HR: variants seen among roughly 807,000 people sequenced by gnomAD.
The protein encoded by HR is HR lysine demethylase and nuclear receptor corepressor.
In HR, 83 loss-of-function variants were observed where a neutral mutation model predicts 128.6. The observed-to-expected ratio is 0.65, with a 90% confidence interval of 0.54 to 0.77. HR has a LOEUF of 0.77. Among genes scored for constraint, HR ranks in the 30% least tolerant of loss-of-function variants. The pLI is 0.00. For synonymous variants in HR, 681 were observed against 658.2 expected, an observed-to-expected ratio of 1.03 and a Z score of -0.53; for missense variants, 1,490 against 1,574.6, an observed-to-expected ratio of 0.95 and a Z score of 0.91.
rs1055038856 is a variant in HR at position 22,115,136 on chromosome 8, G to A, written c.*564C>T. On this transcript the variant is annotated 3_prime_UTR_variant, in exon 19 of 19. Transcript: ENST00000381418. Reference sequence around the variant, plus strand: ...CGGGCGGACCGGGAAGGGGCTGAGTGACATCGCCCATGCCGCTCCCTCCGC... The same window carrying A: ...CGGGCGGACCGGGAAGGGGCTGAGTAACATCGCCCATGCCGCTCCCTCCGC... The A allele has an allele frequency of 1.2e-5, 2 of 166,674 alleles. No homozygotes were observed. Among genetic ancestry groups the A allele is most frequent in the African/African-American group, 4.8e-5 (2 of 41,834 alleles). The allele number at this position is 166,674 out of a possible 1,614,324, so 10.3% of individuals were successfully genotyped here. A position where few individuals can be genotyped will look rare whatever the true frequency, so the allele number is the denominator to read the frequency against.
At chr8:22,129,720 C>A (rs1434609563) in intron 1 of HR, among the ~76,000 whole-genome samples, 2 of 152,172 alleles carry the variant, frequency 1.3e-5, no homozygotes, top group African/African-American at 4.8e-5. Flanking sequence ...AGCCTACAGC[C>A]CCAGCCAGGC....
chr8:22,129,864 C>T (rs985036425), intron 1 of HR, among the ~76,000 whole-genome samples: 3 of 152,216 alleles, frequency 2.0e-5, no homozygotes, highest in African/African-American at 4.8e-5. Flanking sequence ...TGCAGTTTCT[C>T]GGCTTCTCAA....
At chr8:22,118,873 C>T in intron 16 of HR, 77 bp downstream of exon 16, 3 of 1,264,520 alleles carry the variant, frequency 2.4e-6, no homozygotes, top group Non-Finnish European at 3.4e-6. Context: ...GCACATGGGA[C>T]CGCACACTGG....
In HR at chr8:22,121,425, A is replaced by T. The variant is rs1470841279; in HGVS notation, c.2203+188T>A. On this transcript the variant is annotated intron_variant, in intron 9 of 18. Coordinates refer to ENST00000381418, the MANE Select transcript of HR (RefSeq NM_005144.5). ...AGGCAGCTCCAGAGTCTCTAAAAAG[A>T]GGGGTTCAGAGGGGGGTCTGGCCAA... Among the ~76,000 whole-genome samples the T allele has an allele frequency of 2.0e-5, 3 of 147,074 alleles. 1 individual carries two copies. The highest frequency in any genetic ancestry group is 4.5e-5 in the Non-Finnish European group (3 of 66,952).
At chr8:22,125,554 C>T (rs747486594) in intron 4 of HR, 28 bp downstream of exon 4, 2 of 1,613,012 alleles carry the variant, frequency 1.2e-6, no homozygotes, top group South Asian at 1.1e-5. Flanking sequence ...CGAGGGGGCA[C>T]TGGAGGTGTC....
rs746242037 is a variant in HR, at chr8:22,127,324, G to T, written c.1118C>A (p.Pro373His). 1.4e-5 allele frequency: 23 copies of T among 1,613,380 alleles called. No individual in the cohort carries two copies. Among genetic ancestry groups the T allele is most frequent in the Non-Finnish European group, 1.9e-5 (22 of 1,180,026 alleles). ...NKASGPRACP[P>H]SHHTKLKKTW... is the part of the protein sequence containing the mutation. ...CTTCTTCAGCTTGGTGTGGTGGCTG[G>T]GGGGACAGGCCCTGGGGCCAGAGGC... Residue 373 changes from proline to histidine, a missense_variant, in exon 3 of 19, where the codon CCC becomes CAC. By Grantham distance (77) the Pro-to-His change is moderately conservative. Transcript: ENST00000381418.
chr8:22,121,110 C>A lies in HR; in HGVS notation c.2322G>T (p.Glu774Asp). The A allele has an allele frequency of 2.5e-6, 4 of 1,613,870 alleles. No individual in the cohort carries two copies. Among genetic ancestry groups the A allele is most frequent in the Non-Finnish European group, 3.4e-6 (4 of 1,180,040 alleles). ...STAVKLCLGH[E>D]RIHMAFAPVT... ...CGGGGGCGAAGGCCATGTGTATTCG[C>A]TCATGGCCCAAGCAGAGTTTGACCG... The change falls in exon 10 of 19, where the codon GAG becomes GAT. Residue 774 changes from glutamate to aspartate, a missense_variant. Glu to Asp is a conservative substitution (Grantham distance 45, BLOSUM62 2). This residue lies in a region of HR where 1,060 missense variants were observed against 1,060.9 expected (regional missense o/e 1.00). Coordinates refer to ENST00000381418, the MANE Select transcript of HR (RefSeq NM_005144.5).
rs764896476 is a variant in HR, at chr8:22,128,817, G to A, written c.354C>T (p.Arg118=). 8 of 1,613,184 alleles carry A rather than the reference G, an allele frequency of 5.0e-6. No individual in the cohort carries two copies. Among genetic ancestry groups the A allele is most frequent in the Non-Finnish European group, 6.8e-6 (8 of 1,179,920 alleles). ...TATGCTCAGGCATCAGGGGGCCACAGCGAGGTGGGCACGCTGGCCCGCAGA... is the reference window on the plus strand; with the variant it reads ...TATGCTCAGGCATCAGGGGGCCACAACGAGGTGGGCACGCTGGCCCGCAGA... The part of the protein sequence containing the change: ...LAFCGPACPP[R]CGPLMPEHSG... Residue 118 remains arginine, a synonymous_variant, in exon 2 of 19, where the codon CGC becomes CGT. Coordinates refer to ENST00000381418, the MANE Select transcript of HR (RefSeq NM_005144.5).
At chr8:22,119,616 C>CAAAAA in intron 14 of HR, 144 bp downstream of exon 14, 2 of 922,628 alleles carry the variant, frequency 2.2e-6, no homozygotes, top group Non-Finnish European at 3.0e-6. Flanking sequence ...TCAACAACAA[C>CAAAAA]AAAAAAAAAA....
chr8:22,116,913 C>T lies in HR; in HGVS notation c.3340G>A (p.Gly1114Arg), dbSNP rs886062805. The T allele has an allele frequency of 1.7e-5, 27 of 1,561,342 alleles. No individual in the cohort carries two copies. Among genetic ancestry groups the T allele is most frequent in the Non-Finnish European group, 2.2e-5 (26 of 1,158,614 alleles). Residue 1114 changes from glycine to arginine, a missense_variant, in exon 17 of 19, where the codon GGA becomes AGA. By Grantham distance (125) the Gly-to-Arg change is moderately radical (BLOSUM62 -2). Transcript: ENST00000381418. This position sits in a 1 kb window ranked among gnomAD's most constrained non-coding sequence, Gnocchi z 4.2. Reference sequence around the variant, plus strand: ...CCTGCAGGCACCAGCACGGCCTCTCCGGGGGCCTGGAGCAGGGTCCAGCAG... The same window carrying T: ...CCTGCAGGCACCAGCACGGCCTCTCTGGGGGCCTGGAGCAGGGTCCAGCAG... ...VSCWTLLQAP[G>R]EAVLVPAGAP...
chr8:22,118,874 C>T (rs75600662), intron 16 of HR, 76 bp downstream of exon 16: 31,528 of 1,278,010 alleles, frequency 0.025, 1,546 homozygotes, highest in African/African-American at 0.19. Context: ...CACATGGGAC[C>T]GCACACTGGG....
rs1563614050 is a variant in HR, at chr8:22,114,639, GCCTGGCGTCGGC to G, written c.*1049_*1060del. On this transcript the variant is annotated 3_prime_UTR_variant, in exon 19 of 19. Coordinates refer to ENST00000381418, the MANE Select transcript of HR (RefSeq NM_005144.5). ...TCAGGCTCAGTCCCAGGGTGGCTGG[GCCTGGCGTCGGC>G]CATGGCCACTGCCACCAAGGGCAGA... 1 of 152,520 alleles carries G rather than the reference GCCTGGCGTCGGC, an allele frequency of 6.6e-6. No homozygotes were observed. Among genetic ancestry groups the G allele is most frequent in the Non-Finnish European group, 1.5e-5 (1 of 68,136 alleles). 9.4% of individuals were successfully genotyped at this position (152,520 alleles called of 1,614,324 possible).
chr8:22,124,681 A>G (rs1168557492), intron 5 of HR, among the ~76,000 whole-genome samples: 1 of 152,184 alleles, frequency 6.6e-6, no homozygotes, highest in East Asian at 1.9e-4. Context: ...CCAGAGGATG[A>G]GTAAGTTTTC....
Position 22,122,781 on chromosome 8 carries a change from A to G in HR, c.2005+9T>C, listed in dbSNP as rs1425909746. The G allele has an allele frequency of 3.2e-6, 5 of 1,551,162 alleles. No individual in the cohort carries two copies. In the Admixed American group the frequency reaches 7.8e-5, roughly 24 times the overall value. On this transcript the variant is annotated intron_variant, in intron 7 of 18. Coordinates refer to ENST00000381418, the MANE Select transcript of HR (RefSeq NM_005144.5). ...CCTCTGCACGCCCCACCCCTCCAAG[A>G]TGGCTCACCCTGGCTGGAGACAAAC...
intron 2 of HR, chr8:22,128,159 T>G (rs1323996255): frequency 2.0e-6 from 1 of 512,380 alleles, no homozygotes; most frequent in Admixed American, 3.2e-5. Context: ...ATCTCATCCC[T>G]GGGAGTGGGA....
intron 6 of HR, among the ~76,000 whole-genome samples, chr8:22,123,433 G>A (rs1276650619): frequency 1.3e-5 from 2 of 152,218 alleles, no homozygotes; most frequent in Non-Finnish European, 2.9e-5. Context: ...GGGCACACTC[G>A]CCTTTGTTTA....
intron 3 of HR, 135 bp downstream of exon 3, chr8:22,126,902 C>A: frequency 1.2e-6 from 1 of 816,448 alleles, no homozygotes; most frequent in Non-Finnish European, 1.9e-6. Context: ...TCCCAGAGAG[C>A]CCTCGTGATC....
At chr8:22,128,276 C>T (rs762767900) in intron 2 of HR, 51 of 564,364 alleles carry the variant, frequency 9.0e-5, no homozygotes, top group Admixed American at 5.8e-4. Context: ...CCAGGACAAG[C>T]CACACATTCC....
rs549149627 is a variant in HR at position 22,127,895 on chromosome 8, GAACTGAC to G, written c.613-73_613-67del. ...CTCCCCATGCCTAAATGGATGGGCA[GAACTGAC>G]AAGCAAGAAGGAAGGGGAGAATACT... On this transcript the variant is annotated intron_variant, in intron 2 of 18. Coordinates refer to ENST00000381418, the MANE Select transcript of HR (RefSeq NM_005144.5). 230 of 1,442,090 alleles carry G rather than the reference GAACTGAC, an allele frequency of 1.6e-4. No individual in the cohort carries two copies. The African/African-American group carries it at 2.8e-3, about 17-fold the overall frequency. 89.3% of individuals were successfully genotyped at this position (1,442,090 alleles called of 1,614,324 possible). A position where few individuals can be genotyped will look rare whatever the true frequency, so the allele number is the denominator to read the frequency against.
Sources: gnomAD v4.1 joint callset for allele counts (sites outside exome capture counted in the v4.1 genomes callset) on GRCh38, gnomAD v4.1.1 for gene constraint, gnomAD v4.1.1 regional missense constraint, Gnocchi (gnomAD v3.1) non-coding constraint, MANE v1.5 for transcripts, NCBI Gene and HGNC (gene_info 2026-07-23, HGNC 2026-07-21) for gene names.